The following IFT25 variants were observed in gnomAD, a reference collection of about 807,000 sequenced individuals.
The protein encoded by IFT25 is intraflagellar transport protein 25 homolog.
the IFT25 span, among the ~76,000 whole-genome samples, chr1:53,935,624 G>C: frequency 2.0e-5 from 3 of 149,602 alleles, 1 homozygote. Context: ...AAAAAGGCCA[G>C]AACTACTTTT....
At chr1:53,918,613 T>C in the IFT25 span, among the ~76,000 whole-genome samples, 1 of 152,232 alleles carries the variant, frequency 6.6e-6, no homozygotes, top group African/African-American at 2.4e-5. Context: ...TATTACTGGC[T>C]ACTAGTGTAT....
At chr1:53,941,327 T>C in the IFT25 span, among the ~76,000 whole-genome samples, 17 of 152,158 alleles carry the variant, frequency 1.1e-4, no homozygotes, top group African/African-American at 3.4e-4. Context: ...TGGCCTCAAG[T>C]GATCCTCCTG....
the IFT25 span, among the ~76,000 whole-genome samples, chr1:53,943,799 T>G: frequency 6.6e-6 from 1 of 152,092 alleles, no homozygotes; most frequent in East Asian, 1.9e-4. Context: ...AATTTTTTTG[T>G]TTTGTAGAGA....
chr1:53,938,048 C>CTTATCTGTGTAA, the IFT25 span, among the ~76,000 whole-genome samples: 9 of 152,156 alleles, frequency 5.9e-5, no homozygotes, highest in Non-Finnish European at 1.3e-4. Context: ...CTGCCTCTTG[C>CTTATCTGTGTAA]TTATCTGTGT....
At chr1:53,939,841 ATGGTACCAAAAG>A in the IFT25 span, 1 of 609,410 alleles carries the variant, frequency 1.6e-6, no homozygotes, top group Non-Finnish European at 2.9e-6. Context: ...AGTTTCAGAA[ATGGTACCAAAAG>A]TGGATATCAG....
chr1:53,935,776 G>C, the IFT25 span, among the ~76,000 whole-genome samples: 1 of 151,866 alleles, frequency 6.6e-6, no homozygotes, highest in African/African-American at 2.4e-5. Flanking sequence ...CCCAGCCAAG[G>C]CCAGCTCTCC....
At chr1:53,939,878 A>T in the IFT25 span, 4 of 679,064 alleles carry the variant, frequency 5.9e-6, no homozygotes, top group Non-Finnish European at 1.0e-5. Context: ...TCCACCAAAC[A>T]TTTATTAAAC....
At chr1:53,923,962 T>C in the IFT25 span, 1 of 1,569,738 alleles carries the variant, frequency 6.4e-7, no homozygotes, top group Admixed American at 1.7e-5. Flanking sequence ...AACATAAATG[T>C]AACAGAAGAA....
the IFT25 span, among the ~76,000 whole-genome samples, chr1:53,926,507 T>A: frequency 1.3e-5 from 2 of 152,176 alleles, no homozygotes; most frequent in African/African-American, 4.8e-5. Flanking sequence ...AATACCACCA[T>A]CATAACATTA....
the IFT25 span, among the ~76,000 whole-genome samples, chr1:53,941,876 A>G: frequency 6.6e-6 from 1 of 152,218 alleles, no homozygotes; most frequent in African/African-American, 2.4e-5. Flanking sequence ...ATTTCAACAA[A>G]GCTTCAGACA....
At chr1:53,943,217 G>A in the IFT25 span, among the ~76,000 whole-genome samples, 1 of 152,134 alleles carries the variant, frequency 6.6e-6, no homozygotes, top group Admixed American at 6.6e-5. Flanking sequence ...AAGAAAAGTC[G>A]GTAAGAGATC....
At chr1:53,940,223 G>C in the IFT25 span, 4 of 593,570 alleles carry the variant, frequency 6.7e-6, no homozygotes, top group Non-Finnish European at 1.2e-5. Context: ...TCAACATGTG[G>C]GAGGGACTCT....
At chr1:53,942,704 T>C in the IFT25 span, among the ~76,000 whole-genome samples, 27 of 152,188 alleles carry the variant, frequency 1.8e-4, no homozygotes, top group Non-Finnish European at 3.1e-4. Context: ...CCACATTCCA[T>C]CAACATTTTT....
chr1:53,912,436 C>T, the IFT25 span, among the ~76,000 whole-genome samples: 2 of 152,200 alleles, frequency 1.3e-5, no homozygotes, highest in East Asian at 3.8e-4. Flanking sequence ...GGGGACCAGA[C>T]ATACACTCCA....
the IFT25 span, among the ~76,000 whole-genome samples, chr1:53,926,792 A>C: frequency 2.2e-4 from 34 of 151,774 alleles, no homozygotes; most frequent in African/African-American, 8.0e-4. Flanking sequence ...GCATGATCAC[A>C]GCTCATTGCA....
the IFT25 span, chr1:53,921,771 T>TA: frequency 6.3e-7 from 1 of 1,586,746 alleles, no homozygotes; most frequent in Non-Finnish European, 8.6e-7. Context: ...CATGTGCCTG[T>TA]ATGGGAAAAA....
the IFT25 span, chr1:53,923,779 C>A: frequency 1.5e-6 from 1 of 655,198 alleles, no homozygotes; most frequent in Non-Finnish European, 2.7e-6. Context: ...CTTTCTCTAC[C>A]GGTTGATTTA....
the IFT25 span, among the ~76,000 whole-genome samples, chr1:53,912,318 C>A: frequency 1.3e-5 from 2 of 152,294 alleles, no homozygotes; most frequent in Admixed American, 6.5e-5. Flanking sequence ...CAATTAGATT[C>A]TCTTCAACTT....
At chr1:53,934,038 T>C in the IFT25 span, among the ~76,000 whole-genome samples, 1 of 152,130 alleles carries the variant, frequency 6.6e-6, no homozygotes, top group Non-Finnish European at 1.5e-5. Flanking sequence ...CAGTTATCTT[T>C]CAAAAAAATT....
Sources: allele counts gnomAD v4.1 joint callset (sites outside exome capture counted in the v4.1 genomes callset), GRCh38; gene constraint gnomAD v4.1.1; transcripts MANE v1.5; gene names NCBI Gene and HGNC (gene_info 2026-07-23, HGNC 2026-07-21).